HTR5A: variants seen among roughly 807,000 people sequenced by gnomAD.
The protein encoded by HTR5A is 5-HT-5.
A neutral mutation model predicts 24.3 loss-of-function variants in HTR5A; 21 were observed. The observed-to-expected ratio is 0.86, with a 90% CI of 0.61 to 1.24. HTR5A has a LOEUF of 1.24. Ranked by LOEUF, HTR5A falls within the 50% of genes most tolerant of loss-of-function variation. The pLI, the probability that HTR5A is intolerant of heterozygous loss-of-function variation, is 0.00. For synonymous variants in HTR5A, 260 were observed against 213.7 expected (o/e 1.22, Z -1.89); for missense variants, 497 against 489.5 (o/e 1.02, Z -0.15).
At chr7:155,083,939 G>A (rs964375975) in intron 1 of HTR5A, among the ~76,000 whole-genome samples, 2 of 152,244 alleles carry the variant, frequency 1.3e-5, no homozygotes, top group African/African-American at 4.8e-5. Context: ...CATCACATCT[G>A]GTCCTTTCAT....
At chr7:155,075,920 T>A (rs1426030040) in intron 1 of HTR5A, among the ~76,000 whole-genome samples, 1 of 152,172 alleles carries the variant, frequency 6.6e-6, no homozygotes, top group Non-Finnish European at 1.5e-5. Context: ...TCTGAGAGAG[T>A]TTTGTCCCTT....
Position 155,070,797 on chromosome 7 carries a change from CA to C in HTR5A, c.-102del. ...ACTTTCCAGAAACTCCCCCACTGGCCAGAGGTTGCAAACATCCGGATTGGCT... is the reference window on the plus strand; with the variant it reads ...ACTTTCCAGAAACTCCCCCACTGGCCGAGGTTGCAAACATCCGGATTGGCT... On this transcript the variant is annotated 5_prime_UTR_variant, in exon 1 of 2. An upstream open reading frame in the 5' UTR gains an earlier in-frame stop. Coordinates refer to ENST00000287907, the MANE Select transcript of HTR5A (RefSeq NM_024012.4). 8.1e-7 allele frequency: 1 copy of C among 1,233,762 alleles called. No homozygotes were observed. Among genetic ancestry groups the C allele is most frequent in the Non-Finnish European group, 1.1e-6 (1 of 887,040 alleles). 76.4% of individuals were successfully genotyped at this position (1,233,762 alleles called of 1,614,324 possible). A position where few individuals can be genotyped will look rare whatever the true frequency, so the allele number is the denominator to read the frequency against.
intron 1 of HTR5A, 33 bp from the exon 2 acceptor site, chr7:155,084,122 G>C (rs370190833): frequency 2.0e-6 from 3 of 1,517,246 alleles, no homozygotes; most frequent in Admixed American, 1.8e-5. Context: ...GACTGAGGTG[G>C]CTCCTCATAA....
At position 155,071,299 on chromosome 7, in the gene HTR5A, G is replaced by C. The variant is rs781728452; in HGVS notation, c.400G>C (p.Ala134Pro). 6.2e-7 allele frequency: 1 copy of C among 1,610,240 alleles called. No homozygotes were observed. Among genetic ancestry groups the C allele is most frequent in the Non-Finnish European group, 8.5e-7 (1 of 1,179,968 alleles). Residue 134 changes from alanine to proline, a missense_variant, in exon 1 of 2, where the codon GCC becomes CCC. Transcript: ENST00000287907. ...CCTASIWNVT[A>P]IALDRYWSIT... ...CACGGCCAGCATCTGGAACGTGACG[G>C]CCATAGCCCTGGACCGCTACTGGTC...
chr7:155,075,849 T>A (rs1478438005), intron 1 of HTR5A, among the ~76,000 whole-genome samples: 1 of 151,314 alleles, frequency 6.6e-6, no homozygotes, highest in Non-Finnish European at 1.5e-5. Flanking sequence ...ATGACAACTT[T>A]AAAAAAAAAC....
intron 1 of HTR5A, among the ~76,000 whole-genome samples, chr7:155,076,367 A>AATTATTAG (rs139830090): frequency 0.019 from 2,914 of 152,224 alleles, 51 homozygotes; most frequent in Non-Finnish European, 0.029. Context: ...GAGGTATACT[A>AATTATTAG]ATTATTAGTC....
At chr7:155,074,836 A>G (rs532664792) in intron 1 of HTR5A, 1 of 152,310 alleles carries the variant, frequency 6.6e-6, no homozygotes, top group East Asian at 1.9e-4. Flanking sequence ...AAAAGACTCT[A>G]TACATGTAGA....
intron 1 of HTR5A, among the ~76,000 whole-genome samples, chr7:155,073,555 AG>A (rs1795321775): frequency 6.6e-6 from 1 of 151,972 alleles, no homozygotes; most frequent in African/African-American, 2.4e-5. Flanking sequence ...ACCTGAAGTG[AG>A]GTTCCATGTG....
intron 1 of HTR5A, chr7:155,074,608 A>G (rs1795341291): frequency 6.6e-6 from 1 of 152,200 alleles, no homozygotes; most frequent in Non-Finnish European, 1.5e-5. Flanking sequence ...CACAGGTACT[A>G]TAGACATCCA....
At chr7:155,077,466 G>GTTTTTTTTTTTTT (rs11324160) in intron 1 of HTR5A, among the ~76,000 whole-genome samples, 1 of 103,354 alleles carries the variant, frequency 9.7e-6, no homozygotes. Flanking sequence ...TTTTTTTTTT[G>GTTTTTTTTTTTTT]TTTTTTTTTT....
Position 155,070,510 on chromosome 7 carries a change from C to G in HTR5A, c.-390C>G. On this transcript the variant is annotated 5_prime_UTR_variant, in exon 1 of 2. Transcript: ENST00000287907. ...GGTGAGAGCGACTGCTCTGACGCACCAGCCCCTCTCCTGCACCCACACGCT... is the reference window on the plus strand; with the variant it reads ...GGTGAGAGCGACTGCTCTGACGCACGAGCCCCTCTCCTGCACCCACACGCT... 2.6e-6 allele frequency: 1 copy of G among 378,726 alleles called. No homozygotes were observed. The highest frequency in any genetic ancestry group is 5.2e-6 in the Non-Finnish European group (1 of 193,970). 23.5% of individuals were successfully genotyped at this position (378,726 alleles called of 1,614,324 possible).
chr7:155,076,158 C>G (rs539470647), intron 1 of HTR5A, among the ~76,000 whole-genome samples: 3 of 152,192 alleles, frequency 2.0e-5, no homozygotes, highest in Non-Finnish European at 4.4e-5. Flanking sequence ...GTCACTAATT[C>G]ACATGGTCAT....
Position 155,083,955 on chromosome 7 carries a change from A to G in HTR5A, c.742-200A>G, listed in dbSNP as rs111716819. Among the ~76,000 whole-genome samples, 2,035 of 152,238 alleles carry G rather than the reference A, an allele frequency of 0.013. 41 individuals carry two copies. Among genetic ancestry groups the G allele is most frequent in the African/African-American group, 0.041 (1,704 of 41,540 alleles). On this transcript the variant is annotated intron_variant, in intron 1 of 1. Coordinates refer to ENST00000287907, the MANE Select transcript of HTR5A (RefSeq NM_024012.4). ...ATCACATCTGGTCCTTTCATTTCTAAGAGGTAAGCAAACACCTCAGCTCTG... is the reference window on the plus strand; with the variant it reads ...ATCACATCTGGTCCTTTCATTTCTAGGAGGTAAGCAAACACCTCAGCTCTG...
intron 1 of HTR5A, among the ~76,000 whole-genome samples, chr7:155,075,608 A>G (rs1371820): frequency 0.91 from 139,022 of 152,224 alleles, 64,795 homozygotes; most frequent in East Asian, 1. Context: ...TTTCTTGTGT[A>G]TCTGTTAGGT....
chr7:155,076,772 G>A (rs1051124562), intron 1 of HTR5A, among the ~76,000 whole-genome samples: 2 of 152,058 alleles, frequency 1.3e-5, no homozygotes, highest in Non-Finnish European at 2.9e-5. Flanking sequence ...TAGCAATTGG[G>A]GCTTATTACA....
rs760084733 is a variant in HTR5A at position 155,071,029 on chromosome 7, C to T, written c.130C>T (p.Leu44Phe). The change falls in exon 1 of 2, where the codon CTC becomes TTC. Residue 44 changes from leucine (L) to phenylalanine (F), a missense_variant. Leu to Phe is a conservative substitution (Grantham distance 22). Transcript: ENST00000287907. ...PLLSVFGVLI[L>F]TLLGFLVAAT... is the part of the protein sequence containing the mutation. ...GCTCTCGGTCTTCGGAGTGCTTATT[C>T]TCACCTTGCTGGGCTTTCTGGTGGC... The T allele has an allele frequency of 1.9e-6, 3 of 1,611,320 alleles. No individual in the cohort carries two copies. Among genetic ancestry groups the T allele is most frequent in the Non-Finnish European group, 2.5e-6 (3 of 1,180,036 alleles).
rs1002094889 is a variant in HTR5A at position 155,086,538 on chromosome 7, A to G, written c.*2051A>G. Among the ~76,000 whole-genome samples, 2 of 152,246 alleles carry G rather than the reference A, an allele frequency of 1.3e-5. No homozygotes were observed. Among genetic ancestry groups the G allele is most frequent in the African/African-American group, 4.8e-5 (2 of 41,472 alleles). On this transcript the variant is annotated 3_prime_UTR_variant, in exon 2 of 2. Coordinates refer to ENST00000287907, the MANE Select transcript of HTR5A (RefSeq NM_024012.4). The stretch of plus-strand genomic sequence containing the variant: ...AGCTGAGGGTTTTATTAATGTTTTC[A>G]TAAGATGGATAAGCCTCATTATTCT...
At chr7:155,071,762 G>T (rs56050042) in intron 1 of HTR5A, 122 bp downstream of exon 1, 4 of 960,352 alleles carry the variant, frequency 4.2e-6, no homozygotes, top group East Asian at 5.0e-5. Flanking sequence ...GGAGTGGGGG[G>T]AGTAAACTGG....
chr7:155,076,812 C>A (rs1237332097), intron 1 of HTR5A, among the ~76,000 whole-genome samples: 1 of 152,120 alleles, frequency 6.6e-6, no homozygotes, highest in African/African-American at 2.4e-5. Context: ...AGGCCTAATA[C>A]CAAATGTTCT....
Sources: allele counts gnomAD v4.1 joint callset (sites outside exome capture counted in the v4.1 genomes callset), GRCh38; gene constraint gnomAD v4.1.1; transcripts MANE v1.5; gene names NCBI Gene and HGNC (gene_info 2026-07-23, HGNC 2026-07-21).